The following MBD5 variants were observed in gnomAD, a reference collection of about 807,000 sequenced individuals.
The protein encoded by MBD5 is methyl-CpG-binding domain protein 5.
In MBD5, 13 loss-of-function variants were observed where a neutral mutation model predicts 117.3. The ratio of observed to expected loss-of-function variants is 0.11; its 90% CI spans 0.07 to 0.18. The LOEUF is 0.18. Among genes scored for constraint, MBD5 ranks in the 10% least tolerant of loss-of-function variants. The pLI, the probability that MBD5 is intolerant of heterozygous loss-of-function variation, is 1.00. For synonymous variants in MBD5, 727 were observed against 766.4 expected, an observed-to-expected ratio of 0.95 and a Z score of 0.85; for missense variants, 1,879 against 2,093.8, an observed-to-expected ratio of 0.90 and a Z score of 2.00.
At chr2:148,306,800 A>C (rs78040044) in intron 3 of MBD5, among the ~76,000 whole-genome samples, 2,934 of 152,266 alleles carry the variant, frequency 0.019, 97 homozygotes, top group African/African-American at 0.067. Context: ...TTGAAAAGAG[A>C]ATTTGGTTGT....
chr2:148,419,831 A>G (rs1705542937), intron 4 of MBD5, among the ~76,000 whole-genome samples: 2 of 152,038 alleles, frequency 1.3e-5, no homozygotes, highest in Non-Finnish European at 2.9e-5. Flanking sequence ...CTTTATTTCT[A>G]TTAATCATAC....
At chr2:148,378,100 T>A (rs190903908) in intron 4 of MBD5, among the ~76,000 whole-genome samples, 17 of 152,280 alleles carry the variant, frequency 1.1e-4, no homozygotes, top group Non-Finnish European at 2.2e-4. Flanking sequence ...TGCAGGGAAC[T>A]GTAGATAAGC....
intron 1 of MBD5, among the ~76,000 whole-genome samples, chr2:148,083,549 G>A (rs1695701505): frequency 6.6e-6 from 1 of 152,052 alleles, no homozygotes; most frequent in Admixed American, 6.5e-5. Flanking sequence ...TCAAGAATAA[G>A]AAATAGAGGA....
At chr2:148,382,494 A>G (rs1314100899) in intron 4 of MBD5, among the ~76,000 whole-genome samples, 15 of 152,170 alleles carry the variant, frequency 9.9e-5, no homozygotes, top group Admixed American at 9.8e-4. Context: ...AGACTCCCAC[A>G]CAATAATAAT....
At chr2:148,438,394 C>T (rs1331389326) in intron 4 of MBD5, among the ~76,000 whole-genome samples, 2 of 152,180 alleles carry the variant, frequency 1.3e-5, no homozygotes, top group African/African-American at 4.8e-5. Flanking sequence ...CAATTTTCTG[C>T]TTTCACACAC....
At chr2:148,143,477 CA>C (rs933226031) in intron 1 of MBD5, among the ~76,000 whole-genome samples, 12 of 151,802 alleles carry the variant, frequency 7.9e-5, no homozygotes, top group African/African-American at 2.9e-4. Context: ...AAAATGAAAT[CA>C]ATTTTTTTTA....
chr2:148,502,308 C>T (rs776299203), intron 11 of MBD5, 128 bp from the exon 12 acceptor site: 1 of 777,688 alleles, frequency 1.3e-6, no homozygotes, highest in East Asian at 2.7e-5. Flanking sequence ...GAAGATTTGA[C>T]AAGGTAGTGA....
At chr2:148,259,058 G>C (rs751803107) in intron 3 of MBD5, among the ~76,000 whole-genome samples, 4 of 152,160 alleles carry the variant, frequency 2.6e-5, no homozygotes, top group African/African-American at 9.7e-5. Context: ...TGAGTATTCA[G>C]GTCAAACATA....
intron 2 of MBD5, among the ~76,000 whole-genome samples, chr2:148,199,690 G>A (rs548247372): frequency 1.3e-5 from 2 of 152,032 alleles, no homozygotes; most frequent in East Asian, 3.9e-4. Flanking sequence ...AGCCCAGGAA[G>A]TTGAGGCTGC....
intron 2 of MBD5, among the ~76,000 whole-genome samples, chr2:148,205,107 C>G (rs190402215): frequency 6.6e-6 from 1 of 151,806 alleles, no homozygotes; most frequent in Non-Finnish European, 1.5e-5. Flanking sequence ...AGACAAGTCT[C>G]TCTCTGTTGC....
chr2:148,322,489 C>T (rs1374573834), intron 3 of MBD5, among the ~76,000 whole-genome samples: 1 of 152,124 alleles, frequency 6.6e-6, no homozygotes, highest in East Asian at 1.9e-4. Context: ...GAAATTTGAT[C>T]TTAATCTGCA....
At chr2:148,377,074 A>C (rs1041907406) in intron 4 of MBD5, among the ~76,000 whole-genome samples, 3 of 151,382 alleles carry the variant, frequency 2.0e-5, no homozygotes, top group Non-Finnish European at 4.4e-5. Context: ...CTCCCTATAT[A>C]TATAAAGGGG....
chr2:148,166,160 T>A (rs900647166), intron 1 of MBD5, among the ~76,000 whole-genome samples: 13 of 152,204 alleles, frequency 8.5e-5, no homozygotes, highest in Non-Finnish European at 1.9e-4. Flanking sequence ...CACTTGCTCA[T>A]TCAGGTTTTA....
intron 11 of MBD5, among the ~76,000 whole-genome samples, chr2:148,492,505 A>G (rs2105149310): frequency 6.6e-6 from 1 of 152,218 alleles, no homozygotes; most frequent in Non-Finnish European, 1.5e-5. Flanking sequence ...ATAAAATATT[A>G]ATGATAATAC....
At position 148,469,183 on chromosome 2, in the gene MBD5, C is replaced by T. The variant is rs1208284562; in HGVS notation, c.1240C>T (p.Pro414Ser). 2 of 1,614,052 alleles carry T rather than the reference C, an allele frequency of 1.2e-6. No individual in the cohort carries two copies. The highest frequency in any genetic ancestry group is 2.2e-5 in the East Asian group (1 of 44,866). Residue 414 changes from proline to serine, a missense_variant, in exon 8 of 14, where the codon CCT (proline) becomes TCT (serine). Physicochemically the swap from Pro to Ser is moderately conservative, Grantham distance 74 (BLOSUM62 -1). Around this residue, in one of 4 missense-constraint regions of MBD5, gnomAD observed 1,666 missense variants for 1,792.2 expected, o/e 0.93. Coordinates refer to ENST00000642680, the MANE Select transcript of MBD5 (RefSeq NM_001378120.1). ...TAATCTCCCATTGCCAACTGTAAAA[C>T]CTGGTCACATGAATCATGGGAGTCA... ...PSNLPLPTVK[P>S]GHMNHGSHVQ...
intron 2 of MBD5, among the ~76,000 whole-genome samples, chr2:148,203,500 C>A (rs1014238683): frequency 1.3e-5 from 2 of 152,146 alleles, no homozygotes; most frequent in African/African-American, 4.8e-5. Flanking sequence ...GTTATTACTA[C>A]TGTTCTTCTT....
At chr2:148,425,074 C>T (rs748645803) in intron 4 of MBD5, among the ~76,000 whole-genome samples, 1 of 151,948 alleles carries the variant, frequency 6.6e-6, no homozygotes, top group Non-Finnish European at 1.5e-5. Flanking sequence ...AAAAACCCTT[C>T]AAAAATCAAT....
intron 4 of MBD5, among the ~76,000 whole-genome samples, chr2:148,352,832 C>T (rs1215527197): frequency 6.6e-6 from 1 of 152,010 alleles, no homozygotes; most frequent in African/African-American, 2.4e-5. Context: ...CTGCAGAAGA[C>T]CCTAATAAGG....
chr2:148,309,844 T>C (rs1205762414), intron 3 of MBD5, among the ~76,000 whole-genome samples: 1 of 152,160 alleles, frequency 6.6e-6, no homozygotes, highest in African/African-American at 2.4e-5. Context: ...CAATACCTAG[T>C]TTATTGAGAG....
Sources: allele counts gnomAD v4.1 joint callset (sites outside exome capture counted in the v4.1 genomes callset), GRCh38; gene constraint gnomAD v4.1.1; regional missense constraint gnomAD v4.1.1; transcripts MANE v1.5; gene names NCBI Gene and HGNC (gene_info 2026-07-23, HGNC 2026-07-21).